The following ARHGAP25 variants were observed in gnomAD, a reference collection of about 807,000 sequenced individuals.
ARHGAP25 encodes the protein rho GTPase-activating protein 25.
Under a neutral mutation model 71.0 loss-of-function variants are expected in ARHGAP25, and 34 were observed. The ratio of observed to expected loss-of-function variants is 0.48; its 90% confidence interval spans 0.36 to 0.64. The LOEUF (loss-of-function observed/expected upper bound fraction) is 0.64. Among genes scored for constraint, ARHGAP25 ranks in the 30% least tolerant of loss-of-function variants. The pLI is 0.00. For synonymous variants in ARHGAP25, 282 were observed against 296.5 expected (o/e 0.95, Z 0.50); for missense variants, 706 against 805.1 (o/e 0.88, Z 1.49).
intron 2 of ARHGAP25, among the ~76,000 whole-genome samples, chr2:68,714,499 C>T (rs140493930): frequency 0.016 from 2,381 of 152,218 alleles, 27 homozygotes; most frequent in Non-Finnish European, 0.024. Context: ...CTGCTCTGAT[C>T]TTAGTTATTT....
intron 2 of ARHGAP25, among the ~76,000 whole-genome samples, chr2:68,780,473 G>A (rs1678244537): frequency 6.6e-6 from 1 of 152,166 alleles, no homozygotes; most frequent in Non-Finnish European, 1.5e-5. Flanking sequence ...GCATGGATGT[G>A]ATTTATTAAA....
chr2:68,752,472 A>G (rs2280241), intron 1 of ARHGAP25, among the ~76,000 whole-genome samples: 127,710 of 152,216 alleles, frequency 0.84, 53,756 homozygotes, highest in African/African-American at 0.87. Context: ...TAAATGTAAT[A>G]GGCCTCCTTA....
At chr2:68,755,874 C>A (rs1676454806) in intron 1 of ARHGAP25, among the ~76,000 whole-genome samples, 1 of 152,158 alleles carries the variant, frequency 6.6e-6, no homozygotes, top group Non-Finnish European at 1.5e-5. Flanking sequence ...TTTACTATTT[C>A]TTTTCTAAAT....
At chr2:68,806,081 C>A (rs1398358528) in intron 4 of ARHGAP25, among the ~76,000 whole-genome samples, 1 of 152,168 alleles carries the variant, frequency 6.6e-6, no homozygotes, top group Non-Finnish European at 1.5e-5. Flanking sequence ...ACTTGCTTTG[C>A]TGGAGGCAGG....
chr2:68,743,371 C>G (rs73933338), intron 1 of ARHGAP25, among the ~76,000 whole-genome samples: 4,079 of 152,044 alleles, frequency 0.027, 192 homozygotes, highest in African/African-American at 0.094. Context: ...CCTATTAGCT[C>G]TAAGAGTCCT....
At chr2:68,716,924 G>A (rs13034402) in intron 2 of ARHGAP25, among the ~76,000 whole-genome samples, 5,118 of 152,156 alleles carry the variant, frequency 0.034, 121 homozygotes, top group East Asian at 0.11. Flanking sequence ...AATATTTTTC[G>A]CAGTATTTGT....
At chr2:68,773,458 C>T (rs1447738119) in intron 1 of ARHGAP25, among the ~76,000 whole-genome samples, 1 of 152,068 alleles carries the variant, frequency 6.6e-6, no homozygotes, top group East Asian at 1.9e-4. Flanking sequence ...AATAGGTATA[C>T]GTGGACATAA....
At chr2:68,813,538 C>T in intron 6 of ARHGAP25, 119 bp downstream of exon 6, 1 of 1,128,742 alleles carries the variant, frequency 8.9e-7, no homozygotes, top group Non-Finnish European at 1.2e-6. Flanking sequence ...TAGTCAAATG[C>T]AACTTCCTCA....
intron 1 of ARHGAP25, among the ~76,000 whole-genome samples, chr2:68,749,558 G>C (rs77425076): frequency 6.6e-6 from 1 of 152,194 alleles, no homozygotes; most frequent in African/African-American, 2.4e-5. Flanking sequence ...CAGTGCTTGC[G>C]AGTGTCGATA....
At chr2:68,806,774 T>G (rs1246358677) in intron 4 of ARHGAP25, among the ~76,000 whole-genome samples, 2 of 152,230 alleles carry the variant, frequency 1.3e-5, no homozygotes, top group African/African-American at 4.8e-5. Context: ...TACTGTGTTA[T>G]GCTTTACTAC....
chr2:68,786,920 T>A lies in ARHGAP25; in HGVS notation c.350-920T>A, dbSNP rs150417137. 1.2e-3 allele frequency among the ~76,000 whole-genome samples: 184 copies of A among 152,362 alleles called. No homozygotes were observed. The Middle Eastern group carries it at 0.014, about 11-fold the overall frequency. On this transcript the variant is annotated intron_variant, in intron 3 of 10. Transcript: ENST00000409202. ...TTGAAAGGGATCACTATTGTTTTCT[T>A]GTCCCCGCTAAGACCTTTTTATTTT... is the stretch of plus-strand genomic sequence containing the variant.
At chr2:68,719,188 T>G (rs549767199) in intron 2 of ARHGAP25, among the ~76,000 whole-genome samples, 1 of 152,254 alleles carries the variant, frequency 6.6e-6, no homozygotes, top group South Asian at 2.1e-4. Flanking sequence ...CCTGAGTTTT[T>G]TAAACTATTC....
intron 1 of ARHGAP25, among the ~76,000 whole-genome samples, chr2:68,749,757 C>T (rs896924171): frequency 6.6e-6 from 1 of 152,172 alleles, no homozygotes; most frequent in Admixed American, 6.5e-5. Flanking sequence ...GTAACAAGGG[C>T]TGTGGTCTAG....
At chr2:68,725,230 A>G (rs887346837) in intron 2 of ARHGAP25, among the ~76,000 whole-genome samples, 7 of 152,170 alleles carry the variant, frequency 4.6e-5, no homozygotes, top group Admixed American at 4.6e-4. Flanking sequence ...AGACCATTGC[A>G]GTCAGCTCTA....
chr2:68,790,945 A>G (rs961937613), intron 4 of ARHGAP25, among the ~76,000 whole-genome samples: 8 of 151,934 alleles, frequency 5.3e-5, no homozygotes, highest in Non-Finnish European at 1.2e-4. Flanking sequence ...TCCCGTGCTC[A>G]TTTCACTCTA....
rs1393109057 is a variant in ARHGAP25, at chr2:68,819,277, T to G, written c.1158T>G (p.Thr386=). Residue 386 remains threonine (T), a synonymous_variant, in exon 9 of 11, where the codon ACT becomes ACG. Coordinates refer to ENST00000409202, the MANE Select transcript of ARHGAP25 (RefSeq NM_001007231.3). ...GAAGCTCTGTAGGCTGGGATGCCAC[T>G]GAAGACCTCCGAATTTCTAGGACAG... ...VARSSVGWDA[T]EDLRISRTDS... 6.2e-7 allele frequency: 1 copy of G among 1,614,158 alleles called. No homozygotes were observed. The highest frequency in any genetic ancestry group is 1.3e-5 in the African/African-American group (1 of 75,018).
chr2:68,819,654 TTGG>T, intron 9 of ARHGAP25: 1 of 546,918 alleles, frequency 1.8e-6, no homozygotes, highest in South Asian at 2.7e-5. Flanking sequence ...TGTAAATGTT[TTGG>T]TCAGAATTGT....
At position 68,822,637 on chromosome 2, in the gene ARHGAP25, A is replaced by G. The variant is rs778076778; in HGVS notation, c.1498A>G (p.Thr500Ala). The change falls in exon 10 of 11, where the codon ACT (threonine) becomes GCT (alanine). Residue 500 changes from threonine (T) to alanine (A), a missense_variant. Thr to Ala is a moderately conservative substitution (Grantham distance 58). Coordinates refer to ENST00000409202, the MANE Select transcript of ARHGAP25 (RefSeq NM_001007231.3). ...DLRQLSDSQR[T>A]STYDNVPSLP... ...GCGCCAACTTTCTGACTCCCAACGG[A>G]CTTCCACCTACGATAACGTCCCTTC... is the stretch of plus-strand genomic sequence containing the variant. 1.8e-5 allele frequency: 29 copies of G among 1,614,000 alleles called. No homozygotes were observed. The African/African-American group carries it at 2.4e-4, about 13-fold the overall frequency.
rs181941342 is a variant in ARHGAP25 at position 68,797,330 on chromosome 2, G to T, written c.466+9374G>T. 2.0e-3 allele frequency among the ~76,000 whole-genome samples: 308 copies of T among 152,234 alleles called. 1 individual carries two copies. Among genetic ancestry groups the T allele is most frequent in the Non-Finnish European group, 3.4e-3 (234 of 68,006 alleles). On this transcript the variant is annotated intron_variant, in intron 4 of 10. Coordinates refer to ENST00000409202, the MANE Select transcript of ARHGAP25 (RefSeq NM_001007231.3). ...GGGCTGTCCCAGTGGCCACTGCTTT[G>T]GCCCACAGGAATGAGACTTGCTTTC...
Sources: gnomAD v4.1 joint callset for allele counts (sites outside exome capture counted in the v4.1 genomes callset) on GRCh38, gnomAD v4.1.1 for gene constraint, MANE v1.5 for transcripts, NCBI Gene and HGNC (gene_info 2026-07-23, HGNC 2026-07-21) for gene names.